Variants in SV2C observed in about 807,000 individuals in gnomAD.
SV2C encodes the protein synaptic vesicle glycoprotein 2C.
A neutral mutation model predicts 79.7 loss-of-function variants in SV2C; 49 were observed. That is an observed-to-expected ratio of 0.61 (90% CI 0.49 to 0.78). The LOEUF is 0.78. SV2C is among the 30% of genes least tolerant of loss of function. The pLI, the probability that SV2C is intolerant of heterozygous loss-of-function variation, is 0.00. For missense variants in SV2C, 833 were observed against 912.9 expected (o/e 0.91, Z 1.13); for synonymous variants, 334 against 333.2 (o/e 1.00, Z -0.03).
At chr5:76,217,146 G>T (rs7447248) in intron 4 of SV2C, among the ~76,000 whole-genome samples, 92,502 of 151,976 alleles carry the variant, frequency 0.61, 28,949 homozygotes, top group East Asian at 0.92. Flanking sequence ...GGCTAGCCCT[G>T]CACTGCAGAT....
chr5:75,921,342 G>T, the SV2C span: 1 of 1,040,034 alleles, frequency 9.6e-7, no homozygotes, highest in Non-Finnish European at 1.5e-6. Flanking sequence ...ACATCCACAT[G>T]CTGCCTGCTG....
the SV2C span, among the ~76,000 whole-genome samples, chr5:75,921,882 T>C: frequency 2.0e-5 from 3 of 151,956 alleles, no homozygotes; most frequent in African/African-American, 7.2e-5. Flanking sequence ...TGTTTATTCA[T>C]TCATTCATTC....
At chr5:76,242,298 T>G in intron 4 of SV2C, 2 of 1,452,148 alleles carry the variant, frequency 1.4e-6, no homozygotes, top group Non-Finnish European at 1.9e-6. Context: ...TTGGGCATGG[T>G]GGCGGCAGCG....
At chr5:76,085,263 T>C (rs1372812494) in intron 1 of SV2C, among the ~76,000 whole-genome samples, 2 of 152,152 alleles carry the variant, frequency 1.3e-5, no homozygotes, top group Non-Finnish European at 2.9e-5. Flanking sequence ...TTCTGCAGGA[T>C]TTTTGGCAGG....
chr5:75,899,618 C>T, the SV2C span, among the ~76,000 whole-genome samples: 7 of 150,974 alleles, frequency 4.6e-5, no homozygotes, highest in South Asian at 2.1e-4. Context: ...TCCTGGGTAC[C>T]CTTGTTAACT....
chr5:76,210,610 G>A (rs1031711598), intron 4 of SV2C, among the ~76,000 whole-genome samples: 7 of 152,072 alleles, frequency 4.6e-5, no homozygotes, highest in African/African-American at 1.7e-4. Flanking sequence ...CATAGTTCAG[G>A]GATTTTTATA....
intron 4 of SV2C, among the ~76,000 whole-genome samples, chr5:76,253,490 T>C (rs957521361): frequency 2.0e-5 from 3 of 152,176 alleles, no homozygotes; most frequent in Non-Finnish European, 4.4e-5. Flanking sequence ...ATTGGCTACA[T>C]TTTAAAGATT....
chr5:76,270,007 A>T (rs1746790806), intron 4 of SV2C, among the ~76,000 whole-genome samples: 1 of 152,182 alleles, frequency 6.6e-6, no homozygotes, highest in Non-Finnish European at 1.5e-5. Flanking sequence ...CAGAGAGCAG[A>T]GGTGAAATTT....
the SV2C span, among the ~76,000 whole-genome samples, chr5:76,057,323 C>T: frequency 6.6e-6 from 1 of 151,932 alleles, no homozygotes; most frequent in Non-Finnish European, 1.5e-5. Flanking sequence ...TGGTGTGCTG[C>T]ACCCATTAAC....
At chr5:76,177,733 C>A (rs12522434) in intron 2 of SV2C, among the ~76,000 whole-genome samples, 104,933 of 151,770 alleles carry the variant, frequency 0.69, 37,398 homozygotes, top group East Asian at 0.97. Flanking sequence ...TCCTGTGTGA[C>A]TTTGGAACTT....
At chr5:76,029,639 T>C in the SV2C span, among the ~76,000 whole-genome samples, 2 of 152,016 alleles carry the variant, frequency 1.3e-5, no homozygotes, top group Non-Finnish European at 2.9e-5. Flanking sequence ...TTATTATTTT[T>C]ACACTTATTA....
chr5:75,935,469 T>G, the SV2C span, among the ~76,000 whole-genome samples: 1 of 152,186 alleles, frequency 6.6e-6, no homozygotes, highest in Non-Finnish European at 1.5e-5. Context: ...CACAGTGATT[T>G]TTTTACAAAT....
chr5:75,945,521 G>A, the SV2C span, among the ~76,000 whole-genome samples: 1 of 151,646 alleles, frequency 6.6e-6, no homozygotes, highest in Admixed American at 6.6e-5. Flanking sequence ...GTTTCACCAT[G>A]TTGCTCAGGC....
upstream of SV2C, chr5:76,078,873 G>A (rs1219916304): frequency 7.0e-6 from 4 of 570,776 alleles, no homozygotes; most frequent in Non-Finnish European, 1.4e-5. Flanking sequence ...TACATGGATT[G>A]GTGTTGCTGG....
At chr5:75,920,003 C>T in the SV2C span, among the ~76,000 whole-genome samples, 2 of 152,320 alleles carry the variant, frequency 1.3e-5, no homozygotes, top group South Asian at 4.1e-4. Flanking sequence ...GATTCATTGC[C>T]TTTGGGTATG....
the SV2C span, among the ~76,000 whole-genome samples, chr5:76,049,285 T>G: frequency 7.4e-6 from 1 of 135,842 alleles, no homozygotes; most frequent in Non-Finnish European, 1.5e-5. Flanking sequence ...TACAGTGAGC[T>G]GAGATCGCGC....
At position 76,241,199 on chromosome 5, in the gene SV2C, TC is replaced by T. The variant is rs1359050941; in HGVS notation, c.913+31315del. On this transcript the variant is annotated intron_variant, in intron 4 of 12. Transcript: ENST00000502798. Reference sequence around the variant, plus strand: ...CTCAATCTCTTTTTTTTTTTTTTTTTCCCAAGCCAAACTGTATCCAGCTTTA... The same window carrying T: ...CTCAATCTCTTTTTTTTTTTTTTTTTCCAAGCCAAACTGTATCCAGCTTTA... Among the ~76,000 whole-genome samples, 29 of 142,396 alleles carry T rather than the reference TC, an allele frequency of 2.0e-4. 1 individual carries two copies. The East Asian group carries it at 3.5e-3, about 17-fold the overall frequency. The allele number at this position is 142,396 out of a possible 152,430, so 93.4% of individuals were successfully genotyped here.
the SV2C span, among the ~76,000 whole-genome samples, chr5:75,967,392 C>T: frequency 9.2e-5 from 14 of 152,152 alleles, no homozygotes; most frequent in South Asian, 2.1e-4. Context: ...ACCCGGGAAG[C>T]GCAAGGGGTC....
At chr5:75,967,480 G>T in the SV2C span, among the ~76,000 whole-genome samples, 326 of 152,262 alleles carry the variant, frequency 2.1e-3, 2 homozygotes, top group Non-Finnish European at 3.7e-3. Context: ...CCCTAATACT[G>T]CACTTTTCCA....
Sources: allele counts gnomAD v4.1 joint callset (sites outside exome capture counted in the v4.1 genomes callset), GRCh38; gene constraint gnomAD v4.1.1; transcripts MANE v1.5; gene names NCBI Gene and HGNC (gene_info 2026-07-23, HGNC 2026-07-21).